GTF3C1: variants seen among roughly 807,000 people sequenced by gnomAD.
GTF3C1 encodes general transcription factor IIIC subunit 1, also known as general transcription factor 3C polypeptide 1.
GTF3C1 carries 57 observed loss-of-function variants against 226.7 expected under a neutral mutation model. That is an observed-to-expected ratio of 0.25 (90% confidence interval 0.20 to 0.31). GTF3C1 has a LOEUF of 0.31. Among genes scored for constraint, GTF3C1 ranks in the 10% least tolerant of loss-of-function variants. The pLI is 1.00. For synonymous variants in GTF3C1, 1,090 were observed against 1,084.8 expected, an observed-to-expected ratio of 1.00 and a Z score of -0.09; for missense variants, 2,217 against 2,776.1, an observed-to-expected ratio of 0.80 and a Z score of 4.53.
At chr16:27,527,918 G>C (rs2088857556) in intron 6 of GTF3C1, among the ~76,000 whole-genome samples, 1 of 151,624 alleles carries the variant, frequency 6.6e-6, no homozygotes, top group African/African-American at 2.4e-5. Flanking sequence ...AGATTTCAGT[G>C]AGCTGAGATG....
chr16:27,475,767 C>A (rs944632144), intron 29 of GTF3C1, among the ~76,000 whole-genome samples: 25 of 152,156 alleles, frequency 1.6e-4, no homozygotes, highest in Non-Finnish European at 3.1e-4. Flanking sequence ...TCACTGCCCA[C>A]GGAAAGGCAG....
Position 27,465,408 on chromosome 16 carries a change from G to C in GTF3C1, c.5207C>G (p.Pro1736Arg). 6.2e-7 allele frequency: 1 copy of C among 1,614,026 alleles called. No individual in the cohort carries two copies. The highest frequency in any genetic ancestry group is 1.1e-5 in the South Asian group (1 of 91,078). The change falls in exon 33 of 37, where the codon CCC becomes CGC. Residue 1736 changes from proline to arginine, a missense_variant. Pro to Arg is a moderately radical substitution (Grantham distance 103). Coordinates refer to ENST00000356183, the MANE Select transcript of GTF3C1 (RefSeq NM_001520.4). ...VLQLELSGYSPEDLTAALEIL... is the reference protein window; with the variant it reads ...VLQLELSGYSREDLTAALEIL... ...CTCCAAGGCAGCAGTCAGGTCTTCG[G>C]GACTATACCCAGACAGCTCCAGCTG...
At position 27,506,816 on chromosome 16, in the gene GTF3C1, G is replaced by A. The variant is rs74016086; in HGVS notation, c.1552+31C>T. 5.1e-4 allele frequency: 786 copies of A among 1,533,092 alleles called. 6 individuals carry two copies. In the African/African-American group the frequency reaches 9.5e-3, roughly 18 times the overall value. The allele number at this position is 1,533,092 out of a possible 1,614,324, so 95.0% of individuals were successfully genotyped here. On this transcript the variant is annotated intron_variant, in intron 9 of 36. Transcript: ENST00000356183. ...GCAGGTGCCCAGCAGTGCAGTGCAC[G>A]CAGCCCCTGCCCACCCCACGTGCTC...
At chr16:27,533,087 G>A (rs1366727484) in intron 5 of GTF3C1, among the ~76,000 whole-genome samples, 1 of 152,094 alleles carries the variant, frequency 6.6e-6, no homozygotes, top group African/African-American at 2.4e-5. Flanking sequence ...AGCCACTGTC[G>A]CACCACCGCA....
At chr16:27,516,261 G>T (rs2088656915) in intron 6 of GTF3C1, among the ~76,000 whole-genome samples, 1 of 152,232 alleles carries the variant, frequency 6.6e-6, no homozygotes, top group Admixed American at 6.5e-5. Context: ...GGCCATGGAG[G>T]CTGAGGGCGA....
chr16:27,540,828 C>G (rs2089070307), intron 2 of GTF3C1, among the ~76,000 whole-genome samples: 1 of 152,016 alleles, frequency 6.6e-6, no homozygotes, highest in South Asian at 2.1e-4. Context: ...GGGAAAACCC[C>G]TCAAGGAGAT....
At chr16:27,483,206 A>C in intron 25 of GTF3C1, 81 bp from the exon 26 acceptor site, 85 of 1,389,292 alleles carry the variant, frequency 6.1e-5, no homozygotes, top group Non-Finnish European at 7.1e-5. Context: ...CTCCATTCTC[A>C]TGTTTCTGGC....
intron 6 of GTF3C1, among the ~76,000 whole-genome samples, chr16:27,514,368 T>C (rs1051857392): frequency 3.4e-4 from 51 of 152,168 alleles, no homozygotes; most frequent in African/African-American, 1.2e-3. Flanking sequence ...GGAGGGGAAG[T>C]ATGGGGACAA....
At position 27,538,264 on chromosome 16, in the gene GTF3C1, T is replaced by C. The variant is rs777410959; in HGVS notation, c.524A>G (p.Asp175Gly). The C allele has an allele frequency of 6.2e-7, 1 of 1,611,242 alleles. No homozygotes were observed. The highest frequency in any genetic ancestry group is 8.5e-7 in the Non-Finnish European group (1 of 1,177,350). The change falls in exon 3 of 37, where the codon GAC becomes GGC. Residue 175 changes from aspartate to glycine, a missense_variant. This residue lies in a region of GTF3C1 where 192 missense variants were observed against 251.8 expected (regional missense o/e 0.76). Coordinates refer to ENST00000356183, the MANE Select transcript of GTF3C1 (RefSeq NM_001520.4). ...QEGDPDLKLP[D>G]FSYCILERLG... ...CCGTTCCAGGATGCAGTAGGAGAAG[T>C]CGGGCAGCTTCAGGTCGGGATCCCC...
Position 27,461,082 on chromosome 16 carries a change from C to T in GTF3C1, c.*268G>A. On this transcript the variant is annotated 3_prime_UTR_variant, in exon 37 of 37. Transcript: ENST00000356183. This position sits in a 1 kb window ranked among gnomAD's most constrained non-coding sequence, Gnocchi z 5.3. The stretch of plus-strand genomic sequence containing the variant: ...GGGGCAAACTCTGGAGACCCAGAGA[C>T]AAGAAGCACCAACTCCCAGTGTGAT... 1 of 400,840 alleles carries T rather than the reference C, an allele frequency of 2.5e-6. No individual in the cohort carries two copies. The highest frequency in any genetic ancestry group is 4.5e-6 in the Non-Finnish European group (1 of 220,288). The allele number at this position is 400,840 out of a possible 1,614,324, so 24.8% of individuals were successfully genotyped here. A position where few individuals can be genotyped will look rare whatever the true frequency, so the allele number is the denominator to read the frequency against.
intron 32 of GTF3C1, among the ~76,000 whole-genome samples, chr16:27,467,240 A>G (rs966814347): frequency 1.3e-5 from 2 of 152,242 alleles, no homozygotes; most frequent in African/African-American, 4.8e-5. Flanking sequence ...AGTTGAAGCC[A>G]GTGGTCATTT....
intron 16 of GTF3C1, 78 bp downstream of exon 16, chr16:27,494,685 C>T (rs2088287954): frequency 1.9e-6 from 2 of 1,053,676 alleles, no homozygotes; most frequent in Admixed American, 3.5e-5. Flanking sequence ...AAGTATCCTC[C>T]CTTGCCCAGG....
chr16:27,469,417 C>T lies in GTF3C1; in HGVS notation c.4948G>A (p.Gly1650Ser). 6.2e-7 allele frequency: 1 copy of T among 1,614,056 alleles called. No homozygotes were observed. Among genetic ancestry groups the T allele is most frequent in the Non-Finnish European group, 8.5e-7 (1 of 1,179,976 alleles). ...CTGACGATGCCGGGGGAGTAGTAGC[C>T]CCTCATCAGCAGGTAGTTGGTGTGG... ...ASHTNYLLMR[G>S]YYSPGIVSTR... Residue 1650 changes from glycine to serine, a missense_variant, in exon 32 of 37, where the codon GGC becomes AGC. Physicochemically the swap from Gly to Ser is moderately conservative, Grantham distance 56. Coordinates refer to ENST00000356183, the MANE Select transcript of GTF3C1 (RefSeq NM_001520.4). The surrounding 1 kb of genome is among the most constrained non-coding windows in gnomAD (Gnocchi z 4.5).
chr16:27,498,554 C>A, intron 13 of GTF3C1, 76 bp downstream of exon 13: 1 of 796,946 alleles, frequency 1.3e-6, no homozygotes. Flanking sequence ...AAAGAAAGGG[C>A]TCTTCTGGAT....
chr16:27,519,439 C>A lies in GTF3C1; in HGVS notation c.974-7538G>T, dbSNP rs188859711. Among the ~76,000 whole-genome samples the A allele has an allele frequency of 7.9e-5, 12 of 152,288 alleles. 1 individual carries two copies. Among genetic ancestry groups the A allele is most frequent in the African/African-American group, 2.9e-4 (12 of 41,562 alleles). ...CTGGAAGGGAGTCCAGATCTGCAGA[C>A]CCTCAGGCCCCAGGGAGCTGTCCTA... On this transcript the variant is annotated intron_variant, in intron 6 of 36. Transcript: ENST00000356183.
rs547503128 is a variant in GTF3C1, at chr16:27,470,499, A to C, written c.4527-104T>G. ...CAAACCATTATGGTGAGAACTAAGC[A>C]AAACGCCCCACTTCTTCCCTAAAGC... On this transcript the variant is annotated intron_variant, in intron 30 of 36. Coordinates refer to ENST00000356183, the MANE Select transcript of GTF3C1 (RefSeq NM_001520.4). This position sits in a 1 kb window ranked among gnomAD's most constrained non-coding sequence, Gnocchi z 4.9. 1.2e-6 allele frequency: 1 copy of C among 853,824 alleles called. No individual in the cohort carries two copies. Among genetic ancestry groups the C allele is most frequent in the South Asian group, 1.6e-5 (1 of 61,398 alleles). The allele number at this position is 853,824 out of a possible 1,614,324, so 52.9% of individuals were successfully genotyped here.
At chr16:27,538,969 T>C (rs1032487709) in intron 2 of GTF3C1, among the ~76,000 whole-genome samples, 120 of 128,866 alleles carry the variant, frequency 9.3e-4, no homozygotes, top group Admixed American at 2.5e-3. Flanking sequence ...TATACACACA[T>C]ATACACACAC....
Position 27,462,392 on chromosome 16 carries a change from G to T in GTF3C1, c.6019C>A (p.Leu2007Met), listed in dbSNP as rs1191090307. Residue 2007 changes from leucine to methionine, a missense_variant, in exon 36 of 37, where the codon CTG becomes ATG. Physicochemically the swap from Leu to Met is conservative, Grantham distance 15. Around this residue, in one of 12 missense-constraint regions of GTF3C1, gnomAD observed 153 missense variants for 199.8 expected, o/e 0.77. Coordinates refer to ENST00000356183, the MANE Select transcript of GTF3C1 (RefSeq NM_001520.4). This position sits in a 1 kb window ranked among gnomAD's most constrained non-coding sequence, Gnocchi z 4.5. ...PVCKGMMEAM[L>M]YHIMTRPGIP... is the part of the protein sequence containing the mutation. ...CCAGGCCTGGTCATGATGTGGTACA[G>T]CATGGCCTCCATCATACCCTTGCAT... 6.2e-7 allele frequency: 1 copy of T among 1,606,320 alleles called. No homozygotes were observed. The highest frequency in any genetic ancestry group is 8.5e-7 in the Non-Finnish European group (1 of 1,175,548).
At position 27,485,976 on chromosome 16, in the gene GTF3C1, CTGGGCTGGGCTGGT is replaced by C. The variant is rs773411276; in HGVS notation, c.3858+7_3858+20del. 3 of 1,558,770 alleles carry C rather than the reference CTGGGCTGGGCTGGT, an allele frequency of 1.9e-6. No individual in the cohort carries two copies. In the East Asian group the frequency reaches 7.0e-5, roughly 36 times the overall value. ...CTCCGAGTGAGGGGCAGGCCCACCG[CTGGGCTGGGCTGGT>C]TGGTACCTTGGTGTTGAGGACATTG... On this transcript the variant is annotated splice_region_variant and intron_variant, in intron 24 of 36. Coordinates refer to ENST00000356183, the MANE Select transcript of GTF3C1 (RefSeq NM_001520.4).
Sources: allele counts gnomAD v4.1 joint callset (sites outside exome capture counted in the v4.1 genomes callset), GRCh38; gene constraint gnomAD v4.1.1; regional missense constraint gnomAD v4.1.1; non-coding constraint Gnocchi (gnomAD v3.1); transcripts MANE v1.5; gene names NCBI Gene and HGNC (gene_info 2026-07-23, HGNC 2026-07-21).